GDAP1: variants seen among roughly 807,000 people sequenced by gnomAD.
The protein encoded by GDAP1 is ganglioside induced differentiation associated protein 1.
In GDAP1, 34 loss-of-function variants were observed where a neutral mutation model predicts 40.1. The observed-to-expected ratio is 0.85, with a 90% confidence interval of 0.64 to 1.13. GDAP1 has a LOEUF of 1.13. Among genes scored for constraint, GDAP1 ranks in the 50% most tolerant of loss-of-function variants. The probability of loss-of-function intolerance (pLI) is 0.00; values close to 1 mark genes in which losing one functional copy is unlikely to be tolerated. For synonymous variants in GDAP1, 170 were observed against 157.4 expected (o/e 1.08, Z -0.60); for missense variants, 374 against 433.7 (o/e 0.86, Z 1.22).
At chr8:74,397,735 A>G (rs1810234064) in intron 2 of GDAP1, among the ~76,000 whole-genome samples, 1 of 152,110 alleles carries the variant, frequency 6.6e-6, no homozygotes, top group Non-Finnish European at 1.5e-5. Flanking sequence ...TGGTACCAGT[A>G]CCATGCTGTT....
At chr8:74,437,618 A>G (rs1014866258) in intron 2 of GDAP1, among the ~76,000 whole-genome samples, 1 of 152,122 alleles carries the variant, frequency 6.6e-6, no homozygotes, top group African/African-American at 2.4e-5. Flanking sequence ...TTTCATTCAT[A>G]TATCTATAAA....
At chr8:74,351,604 C>G in intron 2 of GDAP1, 138 bp downstream of exon 2, 1 of 773,862 alleles carries the variant, frequency 1.3e-6, no homozygotes, top group Non-Finnish European at 2.3e-6. Context: ...TTTTCCATTT[C>G]CATAAGCACA....
chr8:74,396,529 C>G (rs1163486787), intron 2 of GDAP1, among the ~76,000 whole-genome samples: 2 of 151,768 alleles, frequency 1.3e-5, no homozygotes, highest in Non-Finnish European at 2.9e-5. Flanking sequence ...CAACAGTCCC[C>G]AGAGTGTGAT....
chr8:74,370,279 A>C (rs1417748168), downstream of GDAP1, among the ~76,000 whole-genome samples: 1 of 152,246 alleles, frequency 6.6e-6, no homozygotes, highest in Non-Finnish European at 1.5e-5. Context: ...TCTATAATAT[A>C]TGTGGAAGTA....
At chr8:74,372,844 G>A (rs62524068) in intron 2 of GDAP1, among the ~76,000 whole-genome samples, 1 of 151,902 alleles carries the variant, frequency 6.6e-6, no homozygotes, top group Admixed American at 6.6e-5. Flanking sequence ...CCTTGCCCAT[G>A]CCTATGTCCT....
At chr8:74,395,235 A>C (rs150157420) in intron 2 of GDAP1, among the ~76,000 whole-genome samples, 2,320 of 152,296 alleles carry the variant, frequency 0.015, 27 homozygotes, top group Non-Finnish European at 0.025. Flanking sequence ...CTTCAATAAC[A>C]TATTTCAAAT....
At chr8:74,458,343 A>G (rs946666157) in intron 2 of GDAP1, among the ~76,000 whole-genome samples, 2 of 152,138 alleles carry the variant, frequency 1.3e-5, no homozygotes, top group African/African-American at 4.8e-5. Context: ...GTCCCAAGAC[A>G]CCACTCATTC....
At chr8:74,407,825 G>C (rs565826749) in intron 2 of GDAP1, among the ~76,000 whole-genome samples, 1 of 141,160 alleles carries the variant, frequency 7.1e-6, no homozygotes, top group Admixed American at 7.5e-5. Flanking sequence ...CCGCATTCCT[G>C]GTCAGAACTT....
intron 2 of GDAP1, among the ~76,000 whole-genome samples, chr8:74,387,445 G>T (rs1181161941): frequency 1.3e-5 from 2 of 152,136 alleles, no homozygotes; most frequent in Non-Finnish European, 2.9e-5. Flanking sequence ...TAATTATGTG[G>T]TTTTTGTCAT....
intron 2 of GDAP1, among the ~76,000 whole-genome samples, chr8:74,465,749 A>G (rs1351853544): frequency 6.6e-6 from 1 of 150,698 alleles, no homozygotes; most frequent in Admixed American, 6.6e-5. Context: ...AGGCACACTG[A>G]TAATTTTCAG....
intron 2 of GDAP1, among the ~76,000 whole-genome samples, chr8:74,399,256 C>G (rs1199457926): frequency 2.0e-5 from 3 of 149,036 alleles, no homozygotes; most frequent in Non-Finnish European, 4.4e-5. Flanking sequence ...AGAGATTCAA[C>G]TTCTTCCTGG....
At position 74,366,481 on chromosome 8, in the gene GDAP1, C is replaced by G; in HGVS notation, c.*2114C>G. ...AGTGCTTTGAAAGGGATTACAGTAT[C>G]ACACAATGTCAAGCTAGAGTTAAAC... On this transcript the variant is annotated 3_prime_UTR_variant, in exon 6 of 6. Coordinates refer to ENST00000220822, the MANE Select transcript of GDAP1 (RefSeq NM_018972.4). 2.2e-6 allele frequency: 1 copy of G among 454,412 alleles called. No individual in the cohort carries two copies. The highest frequency in any genetic ancestry group is 2.0e-5 in the African/African-American group (1 of 50,104). The allele number at this position is 454,412 out of a possible 1,614,324, so 28.1% of individuals were successfully genotyped here. A position where few individuals can be genotyped will look rare whatever the true frequency, so the allele number is the denominator to read the frequency against.
At chr8:74,413,582 T>G (rs1805741875) in intron 2 of GDAP1, among the ~76,000 whole-genome samples, 1 of 149,762 alleles carries the variant, frequency 6.7e-6, no homozygotes, top group Admixed American at 6.6e-5. Flanking sequence ...TCATGCCCCA[T>G]CTCTCCAGCA....
At chr8:74,371,549 A>G (rs1257687026), downstream of GDAP1, among the ~76,000 whole-genome samples, 1 of 151,812 alleles carries the variant, frequency 6.6e-6, no homozygotes, top group Non-Finnish European at 1.5e-5. Context: ...AGTCCCAGCT[A>G]CTTGGGAGGC....
intron 2 of GDAP1, among the ~76,000 whole-genome samples, chr8:74,373,108 A>G (rs997688168): frequency 5.3e-5 from 8 of 152,034 alleles, no homozygotes; most frequent in Non-Finnish European, 1.0e-4. Context: ...GTTCTGTTCC[A>G]TTGGTCTGTA....
At chr8:74,416,573 C>G (rs1805781881) in intron 2 of GDAP1, among the ~76,000 whole-genome samples, 1 of 150,184 alleles carries the variant, frequency 6.7e-6, no homozygotes, top group Non-Finnish European at 1.5e-5. Context: ...AGCCAGTGCA[C>G]TAAGGCTATT....
intron 2 of GDAP1, among the ~76,000 whole-genome samples, chr8:74,372,373 G>A (rs1348423336): frequency 1.3e-5 from 2 of 152,134 alleles, no homozygotes; most frequent in African/African-American, 2.4e-5. Context: ...GAACCAGTTT[G>A]CAGTCCCACC....
chr8:74,373,044 G>C (rs1809782125), intron 2 of GDAP1, among the ~76,000 whole-genome samples: 1 of 152,132 alleles, frequency 6.6e-6, no homozygotes, highest in Non-Finnish European at 1.5e-5. Flanking sequence ...GTTTTTGTCA[G>C]GTTTGTCAAA....
At chr8:74,483,507 C>T (rs915021444) in intron 2 of GDAP1, among the ~76,000 whole-genome samples, 3 of 152,080 alleles carry the variant, frequency 2.0e-5, no homozygotes, top group Non-Finnish European at 4.4e-5. Flanking sequence ...AAAGGGTACT[C>T]TCAAGATAAA....
Sources: allele counts gnomAD v4.1 joint callset (sites outside exome capture counted in the v4.1 genomes callset), GRCh38; gene constraint gnomAD v4.1.1; transcripts MANE v1.5; gene names NCBI Gene and HGNC (gene_info 2026-07-23, HGNC 2026-07-21).